CDH18: variants seen among roughly 807,000 people sequenced by gnomAD.
CDH18 encodes the protein cadherin-18.
In CDH18, 31 loss-of-function variants were observed where a neutral mutation model predicts 67.9. That is an observed-to-expected ratio of 0.46 (90% CI 0.34 to 0.62). The LOEUF is 0.62. Ranked by LOEUF, CDH18 falls within the 20% of genes least tolerant of loss-of-function variation. CDH18 has a pLI of 0.01. For missense variants in CDH18, 890 were observed against 975.5 expected, an observed-to-expected ratio of 0.91 and a Z score of 1.17; for synonymous variants, 362 against 347.2, an observed-to-expected ratio of 1.04 and a Z score of -0.48.
intron 3 of CDH18, among the ~76,000 whole-genome samples, chr5:19,751,626 C>A (rs1013352588): frequency 1.3e-5 from 2 of 152,076 alleles, no homozygotes; most frequent in Admixed American, 1.3e-4. Flanking sequence ...AAAAATCAAT[C>A]CAACTGTTAA....
At chr5:19,970,829 T>C (rs1474938317) in intron 2 of CDH18, among the ~76,000 whole-genome samples, 4 of 151,044 alleles carry the variant, frequency 2.6e-5, no homozygotes, top group African/African-American at 7.3e-5. Context: ...ATAAAGAAGA[T>C]AGAAAAAAAT....
At chr5:20,093,481 G>A (rs1169514865) in intron 2 of CDH18, among the ~76,000 whole-genome samples, 1 of 151,676 alleles carries the variant, frequency 6.6e-6, no homozygotes, top group Non-Finnish European at 1.5e-5. Context: ...AATAATAGTT[G>A]CATTGTGTTA....
At chr5:19,828,240 C>G (rs1780623474) in intron 3 of CDH18, among the ~76,000 whole-genome samples, 1 of 151,834 alleles carries the variant, frequency 6.6e-6, no homozygotes, top group East Asian at 1.9e-4. Context: ...AGAGTCTTAC[C>G]AACCAGAAAA....
At chr5:20,178,568 T>C (rs765776377) in intron 2 of CDH18, among the ~76,000 whole-genome samples, 11 of 150,688 alleles carry the variant, frequency 7.3e-5, no homozygotes, top group African/African-American at 1.7e-4. Context: ...TTAGTGTAAA[T>C]AGAGTTTCTT....
At chr5:19,580,596 A>G (rs1464965782) in intron 7 of CDH18, among the ~76,000 whole-genome samples, 1 of 151,922 alleles carries the variant, frequency 6.6e-6, no homozygotes, top group Admixed American at 6.6e-5. Context: ...TTTTTGAAAT[A>G]TAATACTTAA....
intron 1 of CDH18, among the ~76,000 whole-genome samples, chr5:20,566,508 C>T (rs2471121): frequency 0.27 from 39,187 of 145,326 alleles, 6,804 homozygotes; most frequent in African/African-American, 0.49. Flanking sequence ...TACAGGTTCG[C>T]GCCACCATGC....
chr5:20,017,824 G>C lies in CDH18; in HGVS notation c.-517-25810C>G, dbSNP rs1738008705. ...CTTTTCTCTTAGTCACGCTGTTAAGGATGTTCACATCCCTTAGTAAACAGA... is the reference window on the plus strand; with the variant it reads ...CTTTTCTCTTAGTCACGCTGTTAAGCATGTTCACATCCCTTAGTAAACAGA... On this transcript the variant is annotated intron_variant, in intron 2 of 14. Coordinates refer to the CDH18 transcript ENST00000507958. Among the ~76,000 whole-genome samples, 3 of 152,084 alleles carry C rather than the reference G, an allele frequency of 2.0e-5. No individual in the cohort carries two copies. The South Asian group carries it at 6.2e-4, about 32-fold the overall frequency.
intron 6 of CDH18, among the ~76,000 whole-genome samples, chr5:19,612,198 T>C (rs185473845): frequency 6.6e-6 from 1 of 152,290 alleles, no homozygotes; most frequent in Non-Finnish European, 1.5e-5. Context: ...ATTTTTAATA[T>C]TTAACTTGAT....
At chr5:20,063,049 T>C (rs1742647644) in intron 2 of CDH18, among the ~76,000 whole-genome samples, 1 of 146,706 alleles carries the variant, frequency 6.8e-6, no homozygotes, top group Non-Finnish European at 1.5e-5. Context: ...GGTACACCAA[T>C]ATGCTTCTTA....
At chr5:20,569,540 G>T (rs979790946) in intron 1 of CDH18, among the ~76,000 whole-genome samples, 7 of 152,212 alleles carry the variant, frequency 4.6e-5, no homozygotes, top group African/African-American at 1.7e-4. Flanking sequence ...GAACCTGGGA[G>T]GTGGAGGTTG....
intron 2 of CDH18, among the ~76,000 whole-genome samples, chr5:19,942,987 A>G (rs1164145048): frequency 6.6e-6 from 1 of 152,060 alleles, no homozygotes; most frequent in East Asian, 1.9e-4. Flanking sequence ...CTGCCAGGTG[A>G]CCCTCGTGCC....
intron 2 of CDH18, among the ~76,000 whole-genome samples, chr5:19,934,409 T>C (rs1022297678): frequency 1.9e-4 from 28 of 151,304 alleles, no homozygotes; most frequent in African/African-American, 6.5e-4. Flanking sequence ...TGGGCTCTCA[T>C]TCTACCTTTC....
chr5:20,267,213 T>C (rs910910939), intron 1 of CDH18, among the ~76,000 whole-genome samples: 1 of 152,234 alleles, frequency 6.6e-6, no homozygotes, highest in African/African-American at 2.4e-5. Flanking sequence ...AGTATGTTCT[T>C]ATCATCTTTG....
chr5:19,629,895 T>A (rs937239903), intron 5 of CDH18, among the ~76,000 whole-genome samples: 1 of 152,042 alleles, frequency 6.6e-6, no homozygotes, highest in Non-Finnish European at 1.5e-5. Context: ...TAGAAGAAAA[T>A]TAATTTAAAA....
chr5:20,383,261 A>G (rs1359263745), intron 1 of CDH18, among the ~76,000 whole-genome samples: 1 of 152,142 alleles, frequency 6.6e-6, no homozygotes, highest in Non-Finnish European at 1.5e-5. Flanking sequence ...TATTAAGTCC[A>G]CTTGGAGGAC....
chr5:20,031,107 A>G (rs1476483106), intron 2 of CDH18, among the ~76,000 whole-genome samples: 1 of 152,080 alleles, frequency 6.6e-6, no homozygotes, highest in Non-Finnish European at 1.5e-5. Context: ...CCTGTGCATG[A>G]ACTGCGCCAG....
At chr5:19,862,861 C>T (rs973183252) in intron 2 of CDH18, among the ~76,000 whole-genome samples, 2 of 151,406 alleles carry the variant, frequency 1.3e-5, no homozygotes, top group South Asian at 2.1e-4. Flanking sequence ...AGACACCTGA[C>T]CCTGAAAAGA....
intron 3 of CDH18, among the ~76,000 whole-genome samples, chr5:19,778,714 C>CA (rs1774702430): frequency 6.6e-6 from 1 of 151,846 alleles, no homozygotes; most frequent in Non-Finnish European, 1.5e-5. Flanking sequence ...GATGGAGACC[C>CA]AAAAAATACA....
chr5:19,523,507 A>C lies in CDH18; in HGVS notation c.1391-2729T>G, dbSNP rs191196880. Among the ~76,000 whole-genome samples, 472 of 151,388 alleles carry C rather than the reference A, an allele frequency of 3.1e-3. 3 individuals are homozygous for C. The highest frequency in any genetic ancestry group is 5.4e-3 in the Non-Finnish European group (366 of 67,908). ...CAATTTTAAAAGCCAACACAATATA[A>C]AAATAGGCAAATATTAATGGCCAAC... On this transcript the variant is annotated intron_variant, in intron 9 of 12. Transcript: ENST00000382275.
Sources: allele counts gnomAD v4.1 joint callset (sites outside exome capture counted in the v4.1 genomes callset), GRCh38; gene constraint gnomAD v4.1.1; transcripts MANE v1.5; gene names NCBI Gene and HGNC (gene_info 2026-07-23, HGNC 2026-07-21).